Variants in CNTN5 observed in about 807,000 individuals in gnomAD.
The protein encoded by CNTN5 is contactin-5.
Under a neutral mutation model 129.1 loss-of-function variants are expected in CNTN5, and 77 were observed. That is an observed-to-expected ratio of 0.60 (90% CI 0.50 to 0.72). The LOEUF (loss-of-function observed/expected upper bound fraction) is 0.72. Among genes scored for constraint, CNTN5 ranks in the 30% least tolerant of loss-of-function variants. The pLI, the probability that CNTN5 is intolerant of heterozygous loss-of-function variation, is 0.00. For synonymous variants in CNTN5, 509 were observed against 465.6 expected, an observed-to-expected ratio of 1.09 and a Z score of -1.20; for missense variants, 1,478 against 1,328.8, an observed-to-expected ratio of 1.11 and a Z score of -1.75.
Position 100,350,826 on chromosome 11 carries a change from G to A in CNTN5, c.3155G>A (p.Gly1052Glu). 6.2e-7 allele frequency: 1 copy of A among 1,600,450 alleles called. No individual in the cohort carries two copies. The highest frequency in any genetic ancestry group is 1.1e-5 in the South Asian group (1 of 88,856). ...IIEVRAYSEG[G>E]DGTASSQIRV... Reference sequence around the variant, plus strand: ...GAAGTTCGAGCATATAGTGAAGGAGGAGATGGAACAGCTAGTTCTCAAATT... The same window carrying A: ...GAAGTTCGAGCATATAGTGAAGGAGAAGATGGAACAGCTAGTTCTCAAATT... Residue 1052 changes from glycine (G) to glutamate (E), a missense_variant, in exon 24 of 25, where the codon GGA becomes GAA. Coordinates refer to ENST00000524871, the MANE Select transcript of CNTN5 (RefSeq NM_014361.4).
rs1463018553 is a variant in CNTN5, at chr11:99,753,665, A to AC, written c.56-65879_56-65878insC. 6.0e-3 allele frequency among the ~76,000 whole-genome samples: 826 copies of AC among 136,772 alleles called. 14 individuals are homozygous for AC. The highest frequency in any genetic ancestry group is 0.02 in the African/African-American group (753 of 37,010). The allele number at this position is 136,772 out of a possible 152,430, so 89.7% of individuals were successfully genotyped here. A position where few individuals can be genotyped will look rare whatever the true frequency, so the allele number is the denominator to read the frequency against. On this transcript the variant is annotated intron_variant, in intron 3 of 24. Coordinates refer to ENST00000524871, the MANE Select transcript of CNTN5 (RefSeq NM_014361.4). The stretch of plus-strand genomic sequence containing the variant: ...AAATTTTTACTGAAAAAAAAAAAAA[A>AC]AAAACAGGTAAAAAGAAATCACTTC...
rs111785385 is a variant in CNTN5, at chr11:99,235,952, C to T, written c.-209-89394C>T. ...AGTGAACCAAAATAGGACTTCACGT[C>T]ATGGACGTGGTATTCTTAAAAATAA... On this transcript the variant is annotated intron_variant, in intron 1 of 24. Coordinates refer to ENST00000524871, the MANE Select transcript of CNTN5 (RefSeq NM_014361.4). Among the ~76,000 whole-genome samples the T allele has an allele frequency of 3.4e-3, 524 of 152,264 alleles. 4 individuals carry two copies. Among genetic ancestry groups the T allele is most frequent in the African/African-American group, 0.012 (512 of 41,566 alleles).
chr11:99,374,804 A>ATTTGC (rs1193539167), intron 2 of CNTN5, among the ~76,000 whole-genome samples: 5 of 152,332 alleles, frequency 3.3e-5, no homozygotes, highest in Admixed American at 2.6e-4. Flanking sequence ...TCATCATGTA[A>ATTTGC]ATATTGGTGC....
At chr11:99,900,130 A>G (rs1002639057) in intron 6 of CNTN5, among the ~76,000 whole-genome samples, 3 of 149,040 alleles carry the variant, frequency 2.0e-5, no homozygotes, top group Non-Finnish European at 3.0e-5. Context: ...CTAGCGTTCT[A>G]TGAATTTTCT....
rs117958914 is a variant in CNTN5 at position 99,856,378 on chromosome 11, C to T, written c.577+11116C>T. On this transcript the variant is annotated intron_variant, in intron 6 of 24. Coordinates refer to ENST00000524871, the MANE Select transcript of CNTN5 (RefSeq NM_014361.4). ...TGTAGAGAGGCTCAGATTAGATACA[C>T]CTTATCTTTCACAACTTTCTTAGAA... Among the ~76,000 whole-genome samples the T allele has an allele frequency of 9.6e-3, 1,461 of 152,152 alleles. 14 individuals carry two copies. Among genetic ancestry groups the T allele is most frequent in the Middle Eastern group, 0.017 (5 of 294 alleles).
At position 99,391,415 on chromosome 11, in the gene CNTN5, G is replaced by A. The variant is rs1941252304; in HGVS notation, c.-71+65931G>A. 7.2e-5 allele frequency among the ~76,000 whole-genome samples: 11 copies of A among 152,202 alleles called. No individual in the cohort carries two copies. The South Asian group carries it at 2.3e-3, about 32-fold the overall frequency. ...AGGTCGTTAGTAAACAAAAGAATGAGCAAACTAATAGATGGGCATGAAAAG... is the reference window on the plus strand; with the variant it reads ...AGGTCGTTAGTAAACAAAAGAATGAACAAACTAATAGATGGGCATGAAAAG... On this transcript the variant is annotated intron_variant, in intron 2 of 24. Transcript: ENST00000524871.
At chr11:100,332,732 G>T (rs1251456782) in intron 21 of CNTN5, among the ~76,000 whole-genome samples, 1 of 152,094 alleles carries the variant, frequency 6.6e-6, no homozygotes, top group Non-Finnish European at 1.5e-5. Flanking sequence ...AAAAGCATTT[G>T]ACAAAATCCA....
intron 3 of CNTN5, among the ~76,000 whole-genome samples, chr11:99,800,610 C>T (rs555148094): frequency 9.2e-5 from 14 of 152,218 alleles, no homozygotes; most frequent in South Asian, 2.1e-4. Context: ...TCTTTTATGA[C>T]TAAAAGTGCT....
intron 8 of CNTN5, among the ~76,000 whole-genome samples, chr11:99,973,719 A>G (rs1372458818): frequency 1.3e-5 from 2 of 152,098 alleles, no homozygotes; most frequent in African/African-American, 4.8e-5. Context: ...AGGATTCTGG[A>G]TTTATTATTT....
intron 1 of CNTN5, among the ~76,000 whole-genome samples, chr11:99,163,554 A>T (rs1240362611): frequency 1.3e-5 from 2 of 152,154 alleles, no homozygotes; most frequent in Non-Finnish European, 2.9e-5. Flanking sequence ...ACAAATTTTT[A>T]AATAATGTCA....
rs756069609 is a variant in CNTN5, at chr11:99,352,107, G to A, written c.-71+26623G>A. 3.3e-5 allele frequency among the ~76,000 whole-genome samples: 5 copies of A among 152,130 alleles called. 1 individual carries two copies. The highest frequency in any genetic ancestry group is 6.5e-5 in the Admixed American group (1 of 15,270). ...GCATTGAATGAAACTAGAAAGTTTC[G>A]AATTCTTCAAAGTGTCAGATTTGTA... On this transcript the variant is annotated intron_variant, in intron 2 of 24. Transcript: ENST00000524871.
intron 3 of CNTN5, among the ~76,000 whole-genome samples, chr11:99,629,622 C>CAA (rs140192665): frequency 0.68 from 92,568 of 136,036 alleles, 29,172 homozygotes; most frequent in Admixed American, 0.78. Flanking sequence ...AGATTTTTCT[C>CAA]ATCATCAAAA....
At chr11:99,779,178 T>A (rs1945227705) in intron 3 of CNTN5, among the ~76,000 whole-genome samples, 1 of 151,992 alleles carries the variant, frequency 6.6e-6, no homozygotes, top group South Asian at 2.1e-4. Flanking sequence ...CATAAATGAT[T>A]TCTGTATTTC....
intron 23 of CNTN5, among the ~76,000 whole-genome samples, chr11:100,342,182 C>CACACACACA (rs1437901353): frequency 6.6e-6 from 1 of 150,588 alleles, no homozygotes; most frequent in African/African-American, 2.4e-5. Context: ...CACACACACA[C>CACACACACA]AAGTCCATCA....
chr11:99,564,381 C>T (rs1379691907), intron 3 of CNTN5, among the ~76,000 whole-genome samples: 3 of 152,140 alleles, frequency 2.0e-5, no homozygotes, highest in Non-Finnish European at 2.9e-5. Context: ...AGCCACCACA[C>T]CTGGCCAACA....
At chr11:99,078,198 C>T (rs367835760) in intron 1 of CNTN5, among the ~76,000 whole-genome samples, 5 of 152,150 alleles carry the variant, frequency 3.3e-5, no homozygotes, top group South Asian at 2.1e-4. Flanking sequence ...TTTGTATTCA[C>T]GGATAATATT....
chr11:99,637,940 G>A (rs681294), intron 3 of CNTN5, among the ~76,000 whole-genome samples: 91,303 of 151,830 alleles, frequency 0.6, 28,282 homozygotes, highest in Admixed American at 0.69. Flanking sequence ...GGCTCTTGTA[G>A]GTTGTTTTTA....
At chr11:99,514,268 G>A (rs1946958470) in intron 2 of CNTN5, among the ~76,000 whole-genome samples, 1 of 152,024 alleles carries the variant, frequency 6.6e-6, no homozygotes, top group South Asian at 2.1e-4. Context: ...AGTAACAAAA[G>A]TAATTTCTTG....
chr11:99,493,963 A>G (rs1484704279), intron 2 of CNTN5, among the ~76,000 whole-genome samples: 1 of 152,228 alleles, frequency 6.6e-6, no homozygotes, highest in African/African-American at 2.4e-5. Flanking sequence ...TAAATTCTAT[A>G]CTCATTCTGA....
Sources: gnomAD v4.1 joint callset for allele counts (sites outside exome capture counted in the v4.1 genomes callset) on GRCh38, gnomAD v4.1.1 for gene constraint, MANE v1.5 for transcripts, NCBI Gene and HGNC (gene_info 2026-07-23, HGNC 2026-07-21) for gene names.